Variants in CELF2 observed in about 807,000 individuals in gnomAD.
CELF2 encodes the protein CUG triplet repeat RNA-binding protein 2.
CELF2 carries 8 observed loss-of-function variants against 62.6 expected under a neutral mutation model. The ratio of observed to expected loss-of-function variants is 0.13; its 90% confidence interval spans 0.07 to 0.23. The LOEUF is 0.23. Ranked by LOEUF, CELF2 falls within the 10% of genes least tolerant of loss-of-function variation. CELF2 has a pLI of 1.00. For missense variants in CELF2, 333 were observed against 671.0 expected, an observed-to-expected ratio of 0.50 and a Z score of 5.56; for synonymous variants, 258 against 250.0, an observed-to-expected ratio of 1.03 and a Z score of -0.30.
chr10:11,033,219 T>A (rs2060407479), intron 1 of CELF2, among the ~76,000 whole-genome samples: 1 of 151,990 alleles, frequency 6.6e-6, no homozygotes. Flanking sequence ...TCATGAATTC[T>A]TTCTGTGAAT....
the CELF2 span, among the ~76,000 whole-genome samples, chr10:10,663,508 G>A: frequency 6.6e-6 from 1 of 152,146 alleles, no homozygotes; most frequent in Non-Finnish European, 1.5e-5. Flanking sequence ...TTTGAAAACA[G>A]GTTCAAAGAA....
At chr10:11,293,126 C>G (rs1025344406) in intron 9 of CELF2, among the ~76,000 whole-genome samples, 2 of 152,222 alleles carry the variant, frequency 1.3e-5, no homozygotes, top group Non-Finnish European at 2.9e-5. Context: ...GGCCACCCCC[C>G]GTAGCCCAGC....
rs532632869 is a variant in CELF2 at position 10,928,323 on chromosome 10, G to C, written c.89+8324G>C. 1.2e-3 allele frequency among the ~76,000 whole-genome samples: 184 copies of C among 152,192 alleles called. No individual in the cohort carries two copies. Among genetic ancestry groups the C allele is most frequent in the Admixed American group, 2.0e-3 (30 of 15,280 alleles). On this transcript the variant is annotated intron_variant, in intron 2 of 13. Coordinates refer to the CELF2 transcript ENST00000636488. The surrounding 1 kb of genome is among the most constrained non-coding windows in gnomAD (Gnocchi z 4.8). ...CCCCCATTTCAGAGATAAGAAAACT[G>C]AGATCTGGTCTCCTACTCTTTGTAT...
chr10:10,862,538 A>G (rs1358567778), intron 1 of CELF2, among the ~76,000 whole-genome samples: 3 of 152,236 alleles, frequency 2.0e-5, no homozygotes, highest in East Asian at 1.9e-4. Context: ...AGAGTTAGGC[A>G]GAAGGTACTT....
At chr10:10,864,736 G>T (rs909402544) in intron 1 of CELF2, among the ~76,000 whole-genome samples, 1 of 152,056 alleles carries the variant, frequency 6.6e-6, no homozygotes, top group Non-Finnish European at 1.5e-5. Context: ...ATTGTCTTAG[G>T]TGTTAGAGCT....
the CELF2 span, among the ~76,000 whole-genome samples, chr10:10,508,037 G>A: frequency 6.6e-6 from 1 of 152,068 alleles, no homozygotes; most frequent in Admixed American, 6.5e-5. Flanking sequence ...GGTACCAGAG[G>A]AAAGAGCCTT....
the CELF2 span, among the ~76,000 whole-genome samples, chr10:10,582,466 C>A: frequency 0.32 from 48,008 of 151,880 alleles, 7,982 homozygotes; most frequent in East Asian, 0.6. Context: ...GGGAACTTAG[C>A]GATTATAGAG....
At chr10:10,834,277 TA>T (rs1027586758) in intron 1 of CELF2, among the ~76,000 whole-genome samples, 4 of 152,010 alleles carry the variant, frequency 2.6e-5, no homozygotes, top group African/African-American at 9.6e-5. Flanking sequence ...GACGGACACA[TA>T]GAGGGGAACA....
the CELF2 span, among the ~76,000 whole-genome samples, chr10:10,544,826 A>G: frequency 1.8e-4 from 27 of 152,246 alleles, no homozygotes; most frequent in Non-Finnish European, 3.5e-4. Flanking sequence ...CAAGAACTGA[A>G]TAGCCATCGA....
At chr10:10,788,249 A>C in the CELF2 span, among the ~76,000 whole-genome samples, 13 of 152,138 alleles carry the variant, frequency 8.5e-5, no homozygotes, top group African/African-American at 3.1e-4. Flanking sequence ...CAAACTTCAA[A>C]ATAGGACCTT....
At chr10:11,006,726 C>T (rs1318416290) in intron 1 of CELF2, among the ~76,000 whole-genome samples, 2 of 152,126 alleles carry the variant, frequency 1.3e-5, no homozygotes, top group African/African-American at 4.8e-5. Flanking sequence ...CTCACAATTT[C>T]GGTCACAAAC....
rs978387669 is a variant in CELF2 at position 10,957,517 on chromosome 10, T to C, written c.89+37518T>C. On this transcript the variant is annotated intron_variant, in intron 2 of 13. Coordinates refer to the CELF2 transcript ENST00000636488. This position sits in a 1 kb window ranked among gnomAD's most constrained non-coding sequence, Gnocchi z 4.1. ...TAAACAACCGTCAGACCACCAGGCA[T>C]TTGTTCCATCGATTGCTTCAGTCTT... Among the ~76,000 whole-genome samples, 2 of 152,148 alleles carry C rather than the reference T, an allele frequency of 1.3e-5. No homozygotes were observed. The highest frequency in any genetic ancestry group is 2.9e-5 in the Non-Finnish European group (2 of 68,030).
At chr10:11,185,413 C>T (rs552560726) in intron 2 of CELF2, among the ~76,000 whole-genome samples, 13 of 152,138 alleles carry the variant, frequency 8.5e-5, no homozygotes, top group South Asian at 2.1e-4. Context: ...ATGATCCCCC[C>T]GCTGCACCCA....
chr10:11,015,022 GGC>G (rs1336116340), upstream of CELF2, among the ~76,000 whole-genome samples: 1 of 152,180 alleles, frequency 6.6e-6, no homozygotes, highest in Admixed American at 6.5e-5. This position sits in a 1 kb window ranked among gnomAD's most constrained non-coding sequence, Gnocchi z 4.8. Context: ...GCCAGCTGAT[GGC>G]GTCGTCCCCT....
the CELF2 span, among the ~76,000 whole-genome samples, chr10:10,711,046 G>A: frequency 6.6e-5 from 10 of 151,970 alleles, no homozygotes; most frequent in Non-Finnish European, 1.5e-4. Context: ...AATTGTTTGC[G>A]GGGCTGTCCT....
chr10:10,505,419 C>T, the CELF2 span, among the ~76,000 whole-genome samples: 5 of 152,074 alleles, frequency 3.3e-5, no homozygotes, highest in African/African-American at 1.2e-4. Context: ...TGACTCTCCA[C>T]CAGGCTGCTT....
At chr10:10,755,295 C>T in the CELF2 span, among the ~76,000 whole-genome samples, 2 of 152,272 alleles carry the variant, frequency 1.3e-5, no homozygotes, top group African/African-American at 4.8e-5. Flanking sequence ...TCATATTTAT[C>T]TTCTATTGGC....
intron 3 of CELF2, among the ~76,000 whole-genome samples, chr10:11,225,316 C>G (rs548326729): frequency 6.6e-6 from 1 of 152,208 alleles, no homozygotes; most frequent in Non-Finnish European, 1.5e-5. Flanking sequence ...GTGCTGCCAT[C>G]CCCTCCTCCT....
At chr10:10,684,709 G>A in the CELF2 span, among the ~76,000 whole-genome samples, 1 of 152,098 alleles carries the variant, frequency 6.6e-6, no homozygotes, top group South Asian at 2.1e-4. Flanking sequence ...ACATGACTGT[G>A]CTCCAGCCTG....
Sources: allele counts gnomAD v4.1 joint callset (sites outside exome capture counted in the v4.1 genomes callset), GRCh38; gene constraint gnomAD v4.1.1; non-coding constraint Gnocchi (gnomAD v3.1); transcripts MANE v1.5; gene names NCBI Gene and HGNC (gene_info 2026-07-23, HGNC 2026-07-21).